Variants in SOX21 observed in about 807,000 individuals in gnomAD.
SOX21 encodes the protein transcription factor SOX-21.
For missense variants in SOX21, 370 were observed against 388.8 expected, an observed-to-expected ratio of 0.95 and a Z score of 0.41; for synonymous variants, 237 against 189.7, an observed-to-expected ratio of 1.25 and a Z score of -2.05.
In SOX21 at chr13:94,711,375, C is replaced by G; in HGVS notation, c.675G>C (p.Ser225=). The change falls in exon 1 of 1, where the codon TCG becomes TCC. Residue 225 remains serine (S), a synonymous_variant. Coordinates refer to ENST00000376945, the MANE Select transcript of SOX21 (RefSeq NM_007084.4). ...AAAAAGGHTH[S]HPSPGNPGYM... ...AGCCCGGGTTGCCCGGGCTGGGGTG[C>G]GAGTGCGTGTGCCCCCCGGCGGCGG... is the stretch of plus-strand genomic sequence containing the variant. 1 of 1,250,420 alleles carries G rather than the reference C, an allele frequency of 8.0e-7. No individual in the cohort carries two copies. The highest frequency in any genetic ancestry group is 1.0e-6 in the Non-Finnish European group (1 of 999,124). 77.5% of individuals were successfully genotyped at this position (1,250,420 alleles called of 1,614,324 possible).
At position 94,712,154 on chromosome 13, in the gene SOX21, G is replaced by T; in HGVS notation, c.-105C>A. 7.1e-7 allele frequency: 1 copy of T among 1,415,576 alleles called. No homozygotes were observed. The highest frequency in any genetic ancestry group is 9.2e-7 in the Non-Finnish European group (1 of 1,091,216). 87.7% of individuals were successfully genotyped at this position (1,415,576 alleles called of 1,614,324 possible). On this transcript the variant is annotated 5_prime_UTR_variant, in exon 1 of 1. Transcript: ENST00000376945. This position sits in a 1 kb window ranked among gnomAD's most constrained non-coding sequence, Gnocchi z 5.0. ...CGCGGAGACCCGCTCGGCCGGCCGG[G>T]GCTCGTCGCGCCCCGGCGTCGCTCC...
chr13:94,711,803 G>T lies in SOX21; in HGVS notation c.247C>A (p.Pro83Thr), dbSNP rs1875266674. The part of the protein sequence containing the change: ...PDYKYRPRRK[P>T]KTLLKKDKFA... ...TTGTCCTTCTTGAGCAGCGTCTTGG[G>T]CTTGCGCCGCGGCCGGTACTTGTAG... Residue 83 changes from proline to threonine, a missense_variant, in exon 1 of 1, where the codon CCC becomes ACC. By Grantham distance (38) the Pro-to-Thr change is conservative (BLOSUM62 -1). Coordinates refer to ENST00000376945, the MANE Select transcript of SOX21 (RefSeq NM_007084.4). 6.2e-7 allele frequency: 1 copy of T among 1,613,724 alleles called. No homozygotes were observed. The highest frequency in any genetic ancestry group is 1.3e-5 in the African/African-American group (1 of 74,912).
chr13:94,711,518 T>G lies in SOX21; in HGVS notation c.532A>C (p.Lys178Gln). Residue 178 changes from lysine to glutamine, a missense_variant, in exon 1 of 1, where the codon AAA becomes CAA. Coordinates refer to ENST00000376945, the MANE Select transcript of SOX21 (RefSeq NM_007084.4). ...GAGGACGACGAGATCTCTGCCATTT[T>G]GGAGCCCAGGTCGAGCAGCGAGTAG... is the stretch of plus-strand genomic sequence containing the variant. The part of the protein sequence containing the change: ...SPYSLLDLGS[K>Q]MAEISSSSSG... 1.9e-6 allele frequency: 2 copies of G among 1,041,628 alleles called. No individual in the cohort carries two copies. Among genetic ancestry groups the G allele is most frequent in the Non-Finnish European group, 2.3e-6 (2 of 859,152 alleles). 64.5% of individuals were successfully genotyped at this position (1,041,628 alleles called of 1,614,324 possible). A position where few individuals can be genotyped will look rare whatever the true frequency, so the allele number is the denominator to read the frequency against.
chr13:94,711,537 C>A lies in SOX21; in HGVS notation c.513G>T (p.Ser171=). Residue 171 remains serine (S), a synonymous_variant, in exon 1 of 1, where the codon TCG becomes TCT. Coordinates refer to ENST00000376945, the MANE Select transcript of SOX21 (RefSeq NM_007084.4). ...AAAAAAGSPY[S]LLDLGSKMAE... is the part of the protein sequence containing the mutation. ...CCATTTTGGAGCCCAGGTCGAGCAGCGAGTAGGGGCTGCCCGCGGCGGCGG... is the reference window on the plus strand; with the variant it reads ...CCATTTTGGAGCCCAGGTCGAGCAGAGAGTAGGGGCTGCCCGCGGCGGCGG... 9.7e-7 allele frequency: 1 copy of A among 1,031,944 alleles called. No individual in the cohort carries two copies. The highest frequency in any genetic ancestry group is 1.2e-6 in the Non-Finnish European group (1 of 852,606). The allele number at this position is 1,031,944 out of a possible 1,614,324, so 63.9% of individuals were successfully genotyped here.
rs1875272777 is a variant in SOX21 at position 94,711,989 on chromosome 13, C to T, written c.61G>A (p.Ala21Thr). Residue 21 changes from alanine (A) to threonine (T), a missense_variant, in exon 1 of 1, where the codon GCT (alanine) becomes ACT (threonine). Transcript: ENST00000376945. ...TCCTGGGCCATCTTGCGCCGCTGAGCCCGCGACCACACCATGAAGGCGTTC... is the reference window on the plus strand; with the variant it reads ...TCCTGGGCCATCTTGCGCCGCTGAGTCCGCGACCACACCATGAAGGCGTTC... Reference protein sequence around the residue: ...PMNAFMVWSRAQRRKMAQENP... With the variant: ...PMNAFMVWSRTQRRKMAQENP... 1.9e-6 allele frequency: 3 copies of T among 1,614,030 alleles called. No individual in the cohort carries two copies. Among genetic ancestry groups the T allele is most frequent in the Non-Finnish European group, 2.5e-6 (3 of 1,179,946 alleles).
chr13:94,711,957 G>A lies in SOX21; in HGVS notation c.93C>T (p.Pro31=). ...TGCTGATCTCCGAGTTGTGCATCTT[G>A]GGGTTCTCCTGGGCCATCTTGCGCC... The part of the protein sequence containing the change: ...AQRRKMAQEN[P]KMHNSEISKR... The change falls in exon 1 of 1, where the codon CCC becomes CCT. Residue 31 remains proline (P), a synonymous_variant. Transcript: ENST00000376945. The A allele has an allele frequency of 6.2e-7, 1 of 1,614,068 alleles. No homozygotes were observed. The highest frequency in any genetic ancestry group is 8.5e-7 in the Non-Finnish European group (1 of 1,179,978).
chr13:94,709,912 T>C lies in SOX21; in HGVS notation c.*1307A>G, dbSNP rs1390299754. 3.9e-5 allele frequency: 6 copies of C among 152,232 alleles called. No homozygotes were observed. The highest frequency in any genetic ancestry group is 1.4e-4 in the African/African-American group (6 of 41,464). The allele number at this position is 152,232 out of a possible 1,614,324, so 9.4% of individuals were successfully genotyped here. On this transcript the variant is annotated 3_prime_UTR_variant, in exon 1 of 1. Transcript: ENST00000376945. The stretch of plus-strand genomic sequence containing the variant: ...AACAAAGCTAATAATTGAAGGTTCC[T>C]TTTTTCTAAAATGTGTTTTATTGCA...
At position 94,712,138 on chromosome 13, in the gene SOX21, C is replaced by T. The variant is rs1875281566; in HGVS notation, c.-89G>A. On this transcript the variant is annotated 5_prime_UTR_variant, in exon 1 of 1. Transcript: ENST00000376945. The surrounding 1 kb of genome is among the most constrained non-coding windows in gnomAD (Gnocchi z 5.0). ...ATCAATGTTGGCTGCCCGCGGAGAC[C>T]CGCTCGGCCGGCCGGGGCTCGTCGC... 2.0e-6 allele frequency: 3 copies of T among 1,466,296 alleles called. No homozygotes were observed. The highest frequency in any genetic ancestry group is 2.7e-5 in the East Asian group (1 of 36,398). The allele number at this position is 1,466,296 out of a possible 1,614,324, so 90.8% of individuals were successfully genotyped here. A position where few individuals can be genotyped will look rare whatever the true frequency, so the allele number is the denominator to read the frequency against.
In SOX21 at chr13:94,712,090, C is replaced by A; in HGVS notation, c.-41G>T. On this transcript the variant is annotated 5_prime_UTR_variant, in exon 1 of 1. Transcript: ENST00000376945. This position sits in a 1 kb window ranked among gnomAD's most constrained non-coding sequence, Gnocchi z 5.0. ...CGGCTGCAGCCCGCCGCCTCCCGGGCCCTCGCCCTCGGCCCGGAGGAAATC... is the reference window on the plus strand; with the variant it reads ...CGGCTGCAGCCCGCCGCCTCCCGGGACCTCGCCCTCGGCCCGGAGGAAATC... 6.3e-7 allele frequency: 1 copy of A among 1,586,972 alleles called. No homozygotes were observed. The highest frequency in any genetic ancestry group is 8.6e-7 in the Non-Finnish European group (1 of 1,166,628).
chr13:94,711,569 CG>C lies in SOX21; in HGVS notation c.480del (p.Ala161ProfsTer75). 7.9e-6 allele frequency: 7 copies of C among 890,452 alleles called. No homozygotes were observed. The highest frequency in any genetic ancestry group is 6.8e-6 in the Non-Finnish European group (5 of 733,202). The allele number at this position is 890,452 out of a possible 1,614,324, so 55.2% of individuals were successfully genotyped here. On this transcript the variant is annotated frameshift_variant, in exon 1 of 1. Transcript: ENST00000376945. LOFTEE classifies it low-confidence loss of function (END_TRUNC). ...GGGCTGCCCGCGGCGGCGGCGGCGGCGGCAGCGGCGGCGGCAGCGGCCGACT... is the reference window on the plus strand; with the variant it reads ...GGGCTGCCCGCGGCGGCGGCGGCGGCGCAGCGGCGGCGGCAGCGGCCGACT... ...FPQSAAAAAA[A>X]AAAAAAGSPY...
rs1465065756 is a variant in SOX21, at chr13:94,711,416, C to T, written c.634G>A (p.Ala212Thr). The change falls in exon 1 of 1, where the codon GCT becomes ACT. Residue 212 changes from alanine to threonine, a missense_variant. Ala to Thr is a moderately conservative substitution (Grantham distance 58, BLOSUM62 0). Transcript: ENST00000376945. ...CCGGCGGCGGCGGCCGCCGCTGCAGCCGCCGCCGCCGCGCCGTGGAAGGCG... is the reference window on the plus strand; with the variant it reads ...CCGGCGGCGGCGGCCGCCGCTGCAGTCGCCGCCGCCGCGCCGTGGAAGGCG... ...AGAFHGAAAA[A>T]AAAAAAAGGH... 1.3e-5 allele frequency: 7 copies of T among 547,766 alleles called. 1 individual carries two copies. The highest frequency in any genetic ancestry group is 1.6e-5 in the Non-Finnish European group (7 of 426,366). 33.9% of individuals were successfully genotyped at this position (547,766 alleles called of 1,614,324 possible).
rs1369893678 is a variant in SOX21, at chr13:94,711,801, G to C, written c.249C>G (p.Pro83=). Residue 83 remains proline (P), a synonymous_variant, in exon 1 of 1, where the codon CCC becomes CCG. Transcript: ENST00000376945. The part of the protein sequence containing the change: ...PDYKYRPRRK[P]KTLLKKDKFA... ...ACTTGTCCTTCTTGAGCAGCGTCTT[G>C]GGCTTGCGCCGCGGCCGGTACTTGT... 6.2e-7 allele frequency: 1 copy of C among 1,613,666 alleles called. No individual in the cohort carries two copies. Among genetic ancestry groups the C allele is most frequent in the Non-Finnish European group, 8.5e-7 (1 of 1,179,894 alleles).
chr13:94,710,083 A>C lies in SOX21; in HGVS notation c.*1136T>G, dbSNP rs1463433079. 6.6e-6 allele frequency: 1 copy of C among 152,166 alleles called. No homozygotes were observed. Among genetic ancestry groups the C allele is most frequent in the African/African-American group, 2.4e-5 (1 of 41,456 alleles). 9.4% of individuals were successfully genotyped at this position (152,166 alleles called of 1,614,324 possible). On this transcript the variant is annotated 3_prime_UTR_variant, in exon 1 of 1. Coordinates refer to ENST00000376945, the MANE Select transcript of SOX21 (RefSeq NM_007084.4). ...AAACAATTCTGTGCTTTTTTTCTTC[A>C]GTTTTGCTAAATAATAAATATATAA...
At position 94,711,765 on chromosome 13, in the gene SOX21, C is replaced by G. The variant is rs774675914; in HGVS notation, c.285G>C (p.Pro95=). 6.2e-7 allele frequency: 1 copy of G among 1,613,098 alleles called. No homozygotes were observed. Among genetic ancestry groups the G allele is most frequent in the South Asian group, 1.1e-5 (1 of 91,064 alleles). The part of the protein sequence containing the change: ...TLLKKDKFAF[P]VPYGLGGVAD... ...CCACGCCGCCCAGGCCGTAGGGCAC[C>G]GGGAAGGCGAACTTGTCCTTCTTGA... The change falls in exon 1 of 1, where the codon CCG becomes CCC. Residue 95 remains proline (P), a synonymous_variant. Transcript: ENST00000376945.
rs1009548174 is a variant in SOX21, at chr13:94,710,718, G to T, written c.*501C>A. 1 of 150,354 alleles carries T rather than the reference G, an allele frequency of 6.7e-6. No individual in the cohort carries two copies. The highest frequency in any genetic ancestry group is 2.5e-5 in the African/African-American group (1 of 40,774). The allele number at this position is 150,354 out of a possible 1,614,324, so 9.3% of individuals were successfully genotyped here. On this transcript the variant is annotated 3_prime_UTR_variant, in exon 1 of 1. Transcript: ENST00000376945. ...ACGAATGACACAAGCAGCTTTTCCC[G>T]TGTGCCAGCCATTTCAGACCTCACA...
In SOX21 at chr13:94,710,993, G is replaced by T; in HGVS notation, c.*226C>A. 1 of 391,606 alleles carries T rather than the reference G, an allele frequency of 2.6e-6. No individual in the cohort carries two copies. The highest frequency in any genetic ancestry group is 4.4e-6 in the Non-Finnish European group (1 of 224,762). 24.3% of individuals were successfully genotyped at this position (391,606 alleles called of 1,614,324 possible). ...CTTTCGAGTTGGCTGCCGAAGTGCG[G>T]GTCTGAAATGATCCTGCGAATTCAC... On this transcript the variant is annotated 3_prime_UTR_variant, in exon 1 of 1. Transcript: ENST00000376945.
Position 94,712,142 on chromosome 13 carries a change from TCGGC to T in SOX21, c.-97_-94del. The T allele has an allele frequency of 1.4e-6, 2 of 1,460,574 alleles. No individual in the cohort carries two copies. The highest frequency in any genetic ancestry group is 3.0e-5 in the African/African-American group (2 of 66,184). The allele number at this position is 1,460,574 out of a possible 1,614,324, so 90.5% of individuals were successfully genotyped here. A position where few individuals can be genotyped will look rare whatever the true frequency, so the allele number is the denominator to read the frequency against. ...ATGTTGGCTGCCCGCGGAGACCCGCTCGGCCGGCCGGGGCTCGTCGCGCCCCGGC... is the reference window on the plus strand; with the variant it reads ...ATGTTGGCTGCCCGCGGAGACCCGCTCGGCCGGGGCTCGTCGCGCCCCGGC... On this transcript the variant is annotated 5_prime_UTR_variant, in exon 1 of 1. Transcript: ENST00000376945. The surrounding 1 kb of genome is among the most constrained non-coding windows in gnomAD (Gnocchi z 5.0).
At position 94,710,270 on chromosome 13, in the gene SOX21, T is replaced by C. The variant is rs1353038414; in HGVS notation, c.*949A>G. On this transcript the variant is annotated 3_prime_UTR_variant, in exon 1 of 1. Coordinates refer to ENST00000376945, the MANE Select transcript of SOX21 (RefSeq NM_007084.4). ...AAATAACACATTTTCCAAGCCTCAA[T>C]GTTTTCACTGACATATACACATTTA... The C allele has an allele frequency of 6.6e-6, 1 of 152,658 alleles. No homozygotes were observed. Among genetic ancestry groups the C allele is most frequent in the African/African-American group, 2.4e-5 (1 of 41,456 alleles). 9.5% of individuals were successfully genotyped at this position (152,658 alleles called of 1,614,324 possible). A position where few individuals can be genotyped will look rare whatever the true frequency, so the allele number is the denominator to read the frequency against.
rs1720982933 is a variant in SOX21 at position 94,711,613 on chromosome 13, G to T, written c.437C>A (p.Ala146Glu). ...KAAAAAAAAA[A>E]RVFFPQSAAA... ...GGCCGACTGCGGGAAGAAGACGCGT[G>T]CGGCGGCAGCGGCGGCGGCCGCGGC... is the stretch of plus-strand genomic sequence containing the variant. The change falls in exon 1 of 1, where the codon GCA becomes GAA. Residue 146 changes from alanine to glutamate, a missense_variant. Physicochemically the swap from Ala to Glu is moderately radical, Grantham distance 107. Transcript: ENST00000376945. 3 of 1,223,384 alleles carry T rather than the reference G, an allele frequency of 2.5e-6. No homozygotes were observed. Among genetic ancestry groups the T allele is most frequent in the Non-Finnish European group, 3.1e-6 (3 of 979,932 alleles). 75.8% of individuals were successfully genotyped at this position (1,223,384 alleles called of 1,614,324 possible).
Sources: gnomAD v4.1 joint callset for allele counts on GRCh38, gnomAD v4.1.1 for gene constraint, Gnocchi (gnomAD v3.1) non-coding constraint, MANE v1.5 for transcripts, NCBI Gene and HGNC (gene_info 2026-07-23, HGNC 2026-07-21) for gene names.